The following GTPBP4 variants were observed in gnomAD, a reference collection of about 807,000 sequenced individuals.
GTPBP4 encodes the protein GTP binding protein 4, also known as GTP-binding protein 4.
Under a neutral mutation model 81.7 loss-of-function variants are expected in GTPBP4, and 15 were observed. That is an observed-to-expected ratio of 0.18 (90% CI 0.12 to 0.28). The LOEUF (loss-of-function observed/expected upper bound fraction) is 0.28, where lower values mean the gene tolerates loss of function less well. Among genes scored for constraint, GTPBP4 ranks in the 10% least tolerant of loss-of-function variants. The pLI is 1.00. For synonymous variants in GTPBP4, 272 were observed against 274.6 expected (o/e 0.99, Z 0.09); for missense variants, 847 against 793.8 (o/e 1.07, Z -0.81).
At position 1,019,255 on chromosome 10, in the gene GTPBP4, A is replaced by G; in HGVS notation, c.*2028A>G. 8.1e-6 allele frequency: 3 copies of G among 371,060 alleles called. No individual in the cohort carries two copies. The highest frequency in any genetic ancestry group is 1.5e-5 in the Non-Finnish European group (3 of 205,696). 23.0% of individuals were successfully genotyped at this position (371,060 alleles called of 1,614,324 possible). A position where few individuals can be genotyped will look rare whatever the true frequency, so the allele number is the denominator to read the frequency against. On this transcript the variant is annotated 3_prime_UTR_variant, in exon 17 of 17. Transcript: ENST00000360803. ...CAGGATCAGCTGCTGTTAATCAAAC[A>G]AGTGCTTATAAAATGGAAATTGGGA...
chr10:999,725 A>G (rs1831590844), intron 6 of GTPBP4, among the ~76,000 whole-genome samples: 1 of 152,256 alleles, frequency 6.6e-6, no homozygotes, highest in African/African-American at 2.4e-5. Context: ...TTGGGAGGCC[A>G]AGGCAGGCAG....
chr10:994,224 TG>T (rs1214601940), intron 2 of GTPBP4, among the ~76,000 whole-genome samples: 2 of 151,504 alleles, frequency 1.3e-5, no homozygotes, highest in South Asian at 2.1e-4. Flanking sequence ...AGAGAGTACC[TG>T]GGGGTGAAGA....
chr10:1,003,910 G>A (rs573483515), intron 8 of GTPBP4, among the ~76,000 whole-genome samples: 17 of 152,242 alleles, frequency 1.1e-4, no homozygotes, highest in African/African-American at 4.1e-4. Context: ...TGGGGTCCTA[G>A]CCTTAGGGTC....
intron 1 of GTPBP4, chr10:988,750 A>T: frequency 1.8e-6 from 1 of 556,928 alleles, no homozygotes; most frequent in South Asian, 2.1e-5. Flanking sequence ...GGTCCACCTA[A>T]GACCGTGGTC....
At chr10:1,009,722 A>ACCTGGCCC in intron 12 of GTPBP4, 142 bp downstream of exon 12, 1 of 660,440 alleles carries the variant, frequency 1.5e-6, no homozygotes, top group Non-Finnish European at 2.7e-6. Context: ...TAAAAGTTGC[A>ACCTGGCCC]TCCTGAGGGC....
chr10:991,689 CTTTTTTTTT>C (rs778451253), intron 1 of GTPBP4, among the ~76,000 whole-genome samples: 2 of 74,818 alleles, frequency 2.7e-5, no homozygotes, highest in African/African-American at 1.1e-4. Flanking sequence ...TAAAATTTAT[CTTTTTTTTT>C]TTTTTTTTTT....
chr10:1,019,619 G>T lies in GTPBP4; in HGVS notation c.*2392G>T. On this transcript the variant is annotated 3_prime_UTR_variant, in exon 17 of 17. Coordinates refer to ENST00000360803, the MANE Select transcript of GTPBP4 (RefSeq NM_012341.3). The stretch of plus-strand genomic sequence containing the variant: ...TCTCGGCAATGGTTCTTAGCCAGGG[G>T]GTGACTTTGACTTCACCCCTCGCCT... The T allele has an allele frequency of 6.2e-7, 1 of 1,613,948 alleles. No homozygotes were observed. Among genetic ancestry groups the T allele is most frequent in the Non-Finnish European group, 8.5e-7 (1 of 1,179,994 alleles).
chr10:1,007,998 T>G (rs753661363), intron 10 of GTPBP4: 3 of 515,170 alleles, frequency 5.8e-6, no homozygotes, highest in Non-Finnish European at 1.2e-5. Context: ...TCACTTGCCT[T>G]TTTAACTTCA....
chr10:1,010,798 A>G (rs1218352239), intron 13 of GTPBP4, among the ~76,000 whole-genome samples: 1 of 122,132 alleles, frequency 8.2e-6, no homozygotes, highest in Non-Finnish European at 1.6e-5. Flanking sequence ...GTTATCCTGC[A>G]CCCCTCCATC....
intron 5 of GTPBP4, among the ~76,000 whole-genome samples, chr10:998,015 G>A (rs1467656075): frequency 6.6e-6 from 1 of 152,172 alleles, no homozygotes; most frequent in Non-Finnish European, 1.5e-5. Flanking sequence ...CAGCTCATGT[G>A]CCAAGAAAAT....
intron 15 of GTPBP4, 29 bp downstream of exon 15, chr10:1,014,341 T>C (rs1831936763): frequency 6.7e-7 from 1 of 1,500,100 alleles, no homozygotes; most frequent in South Asian, 1.1e-5. Flanking sequence ...CATGTGTTTA[T>C]GTGGCTGGAT....
At chr10:996,326 T>C in intron 4 of GTPBP4, 84 bp downstream of exon 4, 1 of 1,262,298 alleles carries the variant, frequency 7.9e-7, no homozygotes, top group Non-Finnish European at 1.1e-6. Flanking sequence ...TGTCTGTTTT[T>C]CTTGTATTTT....
At chr10:1,004,621 T>A (rs528450372) in intron 8 of GTPBP4, among the ~76,000 whole-genome samples, 59 of 152,108 alleles carry the variant, frequency 3.9e-4, no homozygotes, top group Non-Finnish European at 5.6e-4. Context: ...GGGCACTGCT[T>A]CAGCTCAGGC....
At position 1,019,247 on chromosome 10, in the gene GTPBP4, A is replaced by G; in HGVS notation, c.*2020A>G. The G allele has an allele frequency of 2.8e-6, 1 of 358,094 alleles. No individual in the cohort carries two copies. Among genetic ancestry groups the G allele is most frequent in the Non-Finnish European group, 5.1e-6 (1 of 195,438 alleles). 22.2% of individuals were successfully genotyped at this position (358,094 alleles called of 1,614,324 possible). On this transcript the variant is annotated 3_prime_UTR_variant, in exon 17 of 17. Transcript: ENST00000360803. Reference sequence around the variant, plus strand: ...AAGACTTTCAGGATCAGCTGCTGTTAATCAAACAAGTGCTTATAAAATGGA... The same window carrying G: ...AAGACTTTCAGGATCAGCTGCTGTTGATCAAACAAGTGCTTATAAAATGGA...
intron 5 of GTPBP4, among the ~76,000 whole-genome samples, chr10:998,336 G>A (rs1018044607): frequency 6.6e-6 from 1 of 152,186 alleles, no homozygotes; most frequent in Non-Finnish European, 1.5e-5. Context: ...CCGAGCTCAA[G>A]CCATCCTCCT....
At chr10:997,425 C>T (rs1409199487) in intron 5 of GTPBP4, 117 bp downstream of exon 5, 1 of 748,890 alleles carries the variant, frequency 1.3e-6, no homozygotes, top group East Asian at 2.5e-5. Flanking sequence ...TGTATTCTGA[C>T]TGCGTGGGAT....
chr10:992,441 A>C (rs1196929683), intron 1 of GTPBP4, 48 bp from the exon 2 acceptor site: 1 of 1,228,504 alleles, frequency 8.1e-7, no homozygotes, highest in African/African-American at 1.5e-5. Context: ...AAATGGCTCA[A>C]AAGTAGACCC....
chr10:1,016,039 CT>C, intron 16 of GTPBP4, 143 bp downstream of exon 16: 1 of 776,588 alleles, frequency 1.3e-6, no homozygotes, highest in Non-Finnish European at 2.1e-6. Flanking sequence ...TTGTGGCATC[CT>C]TTAGAGGAGA....
intron 9 of GTPBP4, 90 bp from the exon 10 acceptor site, chr10:1,006,928 T>C (rs1292736701): frequency 1.6e-5 from 13 of 792,846 alleles, no homozygotes; most frequent in Non-Finnish European, 2.9e-5. Context: ...AAAGGCTCAG[T>C]GGCTCTGATC....
Sources: allele counts gnomAD v4.1 joint callset (sites outside exome capture counted in the v4.1 genomes callset), GRCh38; gene constraint gnomAD v4.1.1; transcripts MANE v1.5; gene names NCBI Gene and HGNC (gene_info 2026-07-23, HGNC 2026-07-21).